The following XPO6 variants were observed in gnomAD, a reference collection of about 807,000 sequenced individuals.
The protein encoded by XPO6 is exportin-6.
XPO6 carries 3 observed loss-of-function variants against 130.0 expected under a neutral mutation model. The observed-to-expected ratio is 0.02, with a 90% CI of 0.01 to 0.06. The LOEUF (loss-of-function observed/expected upper bound fraction) is 0.06. XPO6 is among the 10% of genes least tolerant of loss of function. The probability of loss-of-function intolerance (pLI) is 1.00; values close to 1 mark genes in which losing one functional copy is unlikely to be tolerated. For synonymous variants in XPO6, 524 were observed against 548.9 expected (o/e 0.95, Z 0.63); for missense variants, 970 against 1,393.0 (o/e 0.70, Z 4.83).
intron 10 of XPO6, among the ~76,000 whole-genome samples, chr16:28,134,704 T>C (rs1458783278): frequency 6.6e-6 from 1 of 152,224 alleles, no homozygotes; most frequent in Non-Finnish European, 1.5e-5. Context: ...AACACTGGAA[T>C]TGTTTCCTTA....
At chr16:28,152,507 G>A (rs951240144) in intron 8 of XPO6, 152 bp downstream of exon 8, 1 of 943,058 alleles carries the variant, frequency 1.1e-6, no homozygotes, top group Non-Finnish European at 1.5e-6. Flanking sequence ...TACTTCACAG[G>A]GATGTTAGGA....
At chr16:28,156,604 A>AT in intron 6 of XPO6, 77 bp from the exon 7 acceptor site, 2 of 926,030 alleles carry the variant, frequency 2.2e-6, no homozygotes, top group Non-Finnish European at 3.1e-6. Flanking sequence ...TCCTTCAAAA[A>AT]AATATATATA....
At position 28,149,058 on chromosome 16, in the gene XPO6, T is replaced by G. The variant is rs200943524; in HGVS notation, c.1225-2855A>C. Among the ~76,000 whole-genome samples the G allele has an allele frequency of 1.0e-4, 11 of 107,112 alleles. 1 individual carries two copies. The highest frequency in any genetic ancestry group is 6.4e-4 in the South Asian group (2 of 3,108). 70.3% of individuals were successfully genotyped at this position (107,112 alleles called of 152,430 possible). ...ACTCTGTCTCCAAAAAAAAAGAAAA[T>G]AAAAAAAAAAAAAAACAAAAGGAAG... On this transcript the variant is annotated intron_variant, in intron 8 of 23. Transcript: ENST00000304658.
At chr16:28,166,143 C>T (rs2043352562) in intron 6 of XPO6, among the ~76,000 whole-genome samples, 1 of 152,156 alleles carries the variant, frequency 6.6e-6, no homozygotes. Flanking sequence ...AGGAAGAAAG[C>T]ACTCAATATT....
intron 1 of XPO6, among the ~76,000 whole-genome samples, chr16:28,196,891 C>T (rs1163167348): frequency 6.6e-6 from 1 of 152,166 alleles, no homozygotes; most frequent in Non-Finnish European, 1.5e-5. Context: ...TTACCACATG[C>T]CCAATCTTGA....
At chr16:28,196,546 G>A (rs2043867040) in intron 1 of XPO6, among the ~76,000 whole-genome samples, 1 of 152,140 alleles carries the variant, frequency 6.6e-6, no homozygotes, top group South Asian at 2.1e-4. Context: ...ACTTTAAAAT[G>A]GTGACGTTTT....
chr16:28,174,974 C>T (rs921114921), intron 4 of XPO6, among the ~76,000 whole-genome samples: 2 of 152,162 alleles, frequency 1.3e-5, no homozygotes, highest in African/African-American at 4.8e-5. Context: ...GATCCCAGAT[C>T]CACACTTCCT....
intron 9 of XPO6, among the ~76,000 whole-genome samples, chr16:28,141,527 G>A (rs1044434111): frequency 1.3e-5 from 2 of 152,098 alleles, no homozygotes. Flanking sequence ...ACAAGGAAAG[G>A]GAAAGGAAAA....
At chr16:28,147,171 G>C (rs755723999) in intron 8 of XPO6, among the ~76,000 whole-genome samples, 5 of 152,152 alleles carry the variant, frequency 3.3e-5, no homozygotes, top group Admixed American at 1.3e-4. Context: ...AAATCTAGAC[G>C]TTTACAAGGG....
At chr16:28,102,083 G>A (rs1160423316) in intron 21 of XPO6, 138 bp from the exon 22 acceptor site, 9 of 642,742 alleles carry the variant, frequency 1.4e-5, no homozygotes, top group South Asian at 7.8e-5. Flanking sequence ...AGACCTCTAC[G>A]ACGCTCCTCC....
intron 7 of XPO6, among the ~76,000 whole-genome samples, chr16:28,155,440 G>T (rs564606400): frequency 6.6e-6 from 1 of 151,248 alleles, no homozygotes; most frequent in Non-Finnish European, 1.5e-5. Flanking sequence ...TGATGGAGTC[G>T]TCTTTTAGAG....
chr16:28,118,860 A>AC (rs894842047), intron 14 of XPO6, among the ~76,000 whole-genome samples: 5 of 151,614 alleles, frequency 3.3e-5, no homozygotes, highest in African/African-American at 7.3e-5. Flanking sequence ...GTCCAACATC[A>AC]CCCCCCCAGA....
intron 1 of XPO6, among the ~76,000 whole-genome samples, chr16:28,196,144 G>A (rs546138753): frequency 6.6e-6 from 1 of 152,280 alleles, no homozygotes; most frequent in African/African-American, 2.4e-5. Context: ...TCCACTGGCA[G>A]TAACTATTGG....
At chr16:28,154,231 G>A (rs1282448937) in intron 7 of XPO6, 2 of 940,308 alleles carry the variant, frequency 2.1e-6, no homozygotes, top group South Asian at 5.2e-5. Context: ...TTAGGAAGGT[G>A]CACTCAATTC....
chr16:28,109,775 A>G (rs946336628), intron 17 of XPO6, among the ~76,000 whole-genome samples: 1 of 152,248 alleles, frequency 6.6e-6, no homozygotes, highest in African/African-American at 2.4e-5. Context: ...AAAAAAGAAC[A>G]ATTTGGTAAC....
At chr16:28,155,274 C>T (rs1353286158) in intron 7 of XPO6, among the ~76,000 whole-genome samples, 1 of 152,106 alleles carries the variant, frequency 6.6e-6, no homozygotes, top group Non-Finnish European at 1.5e-5. Context: ...TAATTCGATA[C>T]GATTTATTGC....
At chr16:28,172,952 C>T (rs2043476571) in intron 4 of XPO6, 1 of 152,098 alleles carries the variant, frequency 6.6e-6, no homozygotes, top group African/African-American at 2.4e-5. Context: ...ACAGATAGAA[C>T]ATAATCAGGA....
At chr16:28,164,917 C>T (rs1164760340) in intron 6 of XPO6, among the ~76,000 whole-genome samples, 1 of 152,122 alleles carries the variant, frequency 6.6e-6, no homozygotes, top group Non-Finnish European at 1.5e-5. Flanking sequence ...ATAAATCTAA[C>T]TCAAAAGAAC....
Position 28,169,850 on chromosome 16 carries a change from T to C in XPO6, c.465A>G (p.Glu155=). The C allele has an allele frequency of 6.2e-7, 1 of 1,614,074 alleles. No individual in the cohort carries two copies. Among genetic ancestry groups the C allele is most frequent in the Non-Finnish European group, 8.5e-7 (1 of 1,179,926 alleles). The change falls in exon 5 of 24, where the codon GAA becomes GAG. Residue 155 remains glutamate, a synonymous_variant. Coordinates refer to ENST00000304658, the MANE Select transcript of XPO6 (RefSeq NM_015171.4). ...LGLIMLKTTS[E]ELACPREDLS... The stretch of plus-strand genomic sequence containing the variant: ...GGTCCTCACGGGGACAAGCCAGCTC[T>C]TCTGAAGTTGTCTTCAACATGATCA...
Sources: gnomAD v4.1 joint callset for allele counts (sites outside exome capture counted in the v4.1 genomes callset) on GRCh38, gnomAD v4.1.1 for gene constraint, MANE v1.5 for transcripts, NCBI Gene and HGNC (gene_info 2026-07-23, HGNC 2026-07-21) for gene names.